Variants in SHROOM1 observed in about 807,000 individuals in gnomAD.
The protein encoded by SHROOM1 is shroom family member 1.
A neutral mutation model predicts 64.2 loss-of-function variants in SHROOM1; 53 were observed. The observed-to-expected ratio is 0.83, with a 90% CI of 0.66 to 1.04. The LOEUF (loss-of-function observed/expected upper bound fraction) is 1.04, where lower values mean the gene tolerates loss of function less well. Ranked by LOEUF, SHROOM1 falls within the 50% of genes least tolerant of loss-of-function variation. The pLI, the probability that SHROOM1 is intolerant of heterozygous loss-of-function variation, is 0.00. For missense variants in SHROOM1, 1,179 were observed against 1,163.2 expected (o/e 1.01, Z -0.20); for synonymous variants, 490 against 518.9 (o/e 0.94, Z 0.76).
In SHROOM1 at chr5:132,824,094, C is replaced by A. The variant is rs772132252; in HGVS notation, c.1567G>T (p.Ala523Ser). Residue 523 changes from alanine to serine, a missense_variant, in exon 7 of 10, where the codon GCC (alanine) becomes TCC (serine). Coordinates refer to ENST00000378679, the MANE Select transcript of SHROOM1 (RefSeq NM_001172700.2). ...NDTPGPSHNT[A>S]LARGTGQPGS... is the part of the protein sequence containing the mutation. ...GGCTGGCCAGTGCCCCTGGCTAGGG[C>A]AGTATTGTGAGAGGGACCTGGAGTA... 25 of 1,613,752 alleles carry A rather than the reference C, an allele frequency of 1.5e-5. No homozygotes were observed. The highest frequency in any genetic ancestry group is 2.1e-5 in the Non-Finnish European group (25 of 1,179,918).
chr5:132,830,259 G>T lies in SHROOM1; in HGVS notation c.-501+335C>A. 1 of 985,334 alleles carries T rather than the reference G, an allele frequency of 1.0e-6. No homozygotes were observed. The highest frequency in any genetic ancestry group is 1.2e-6 in the Non-Finnish European group (1 of 829,872). The allele number at this position is 985,334 out of a possible 1,614,324, so 61.0% of individuals were successfully genotyped here. A position where few individuals can be genotyped will look rare whatever the true frequency, so the allele number is the denominator to read the frequency against. On this transcript the variant is annotated intron_variant, in intron 1 of 9. Coordinates refer to ENST00000378679, the MANE Select transcript of SHROOM1 (RefSeq NM_001172700.2). This position sits in a 1 kb window ranked among gnomAD's most constrained non-coding sequence, Gnocchi z 5.9. ...TTCTCCAGATGCTTGGCGACAAAGG[G>T]CAGGAGCGGAGGGTGGCGGAGTGAG...
chr5:132,825,785 G>T lies in SHROOM1; in HGVS notation c.356C>A (p.Ala119Glu). The part of the protein sequence containing the change: ...RQATPLLYAL[A>E]AEAEAAAQAA... ...CTGCGCCGCGGCCTCCGCCTCGGCC[G>T]CCAGCGCGTACAGCAGCGGGGTGGC... Residue 119 changes from alanine (A) to glutamate (E), a missense_variant, in exon 4 of 10, where the codon GCG becomes GAG. Physicochemically the swap from Ala to Glu is moderately radical, Grantham distance 107. Coordinates refer to ENST00000378679, the MANE Select transcript of SHROOM1 (RefSeq NM_001172700.2). This position sits in a 1 kb window ranked among gnomAD's most constrained non-coding sequence, Gnocchi z 5.1. 8.0e-7 allele frequency: 1 copy of T among 1,243,892 alleles called. No individual in the cohort carries two copies. The highest frequency in any genetic ancestry group is 1.0e-6 in the Non-Finnish European group (1 of 996,986). The allele number at this position is 1,243,892 out of a possible 1,614,324, so 77.1% of individuals were successfully genotyped here.
In SHROOM1 at chr5:132,824,839, A is replaced by T; in HGVS notation, c.1035-18T>A. 1 of 1,613,538 alleles carries T rather than the reference A, an allele frequency of 6.2e-7. No individual in the cohort carries two copies. The highest frequency in any genetic ancestry group is 8.5e-7 in the Non-Finnish European group (1 of 1,179,574). The stretch of plus-strand genomic sequence containing the variant: ...GCAAGAACCTGGAGGCAGGGACCCC[A>T]TAGTGACCACAGTGAAAGGAAGGAA... On this transcript the variant is annotated intron_variant, in intron 5 of 9. Coordinates refer to ENST00000378679, the MANE Select transcript of SHROOM1 (RefSeq NM_001172700.2).
In SHROOM1 at chr5:132,824,182, T is replaced by TG; in HGVS notation, c.1478dup (p.Ala494SerfsTer5). The TG allele has an allele frequency of 1.2e-6, 2 of 1,614,216 alleles. No homozygotes were observed. Among genetic ancestry groups the TG allele is most frequent in the Non-Finnish European group, 1.7e-6 (2 of 1,180,034 alleles). ...GTTTGAGGAGGTCACTCTCTGCAGC[T>TG]GTGGGGGGATTGGTGGTCAGTCCAG... On this transcript the variant is annotated frameshift_variant, in exon 7 of 10. Transcript: ENST00000378679. LOFTEE classifies it high-confidence loss of function.
intron 6 of SHROOM1, 80 bp downstream of exon 6, chr5:132,824,535 A>G (rs772405868): frequency 2.6e-6 from 4 of 1,528,300 alleles, no homozygotes; most frequent in Middle Eastern, 4.1e-4. Flanking sequence ...CAGCTAGGAG[A>G]GCATTCCCAC....
chr5:132,824,498 A>T lies in SHROOM1; in HGVS notation c.1242-79T>A, dbSNP rs1011162150. ...TGGCCTCCAAGGGCCATCTGTCCCT[A>T]CCCCCATCACCTGGAATCCCAGGCT... On this transcript the variant is annotated intron_variant, in intron 6 of 9. Coordinates refer to ENST00000378679, the MANE Select transcript of SHROOM1 (RefSeq NM_001172700.2). 43 of 1,518,852 alleles carry T rather than the reference A, an allele frequency of 2.8e-5. No homozygotes were observed. In the South Asian group the frequency reaches 5.0e-4, roughly 18 times the overall value. The allele number at this position is 1,518,852 out of a possible 1,614,324, so 94.1% of individuals were successfully genotyped here. A position where few individuals can be genotyped will look rare whatever the true frequency, so the allele number is the denominator to read the frequency against.
Position 132,826,419 on chromosome 5 carries a change from G to A in SHROOM1, c.-185C>T, listed in dbSNP as rs929669794. 1 of 518,884 alleles carries A rather than the reference G, an allele frequency of 1.9e-6. No homozygotes were observed. Among genetic ancestry groups the A allele is most frequent in the African/African-American group, 2.0e-5 (1 of 50,942 alleles). The allele number at this position is 518,884 out of a possible 1,614,324, so 32.1% of individuals were successfully genotyped here. A position where few individuals can be genotyped will look rare whatever the true frequency, so the allele number is the denominator to read the frequency against. On this transcript the variant is annotated 5_prime_UTR_variant, in exon 3 of 10. Transcript: ENST00000378679. ...GGTTGAGGGCCCAGCTCAGGGGAAG[G>A]AATTGGGACCAGCTCATTCCCTGCC...
In SHROOM1 at chr5:132,830,123, G is replaced by C. The variant is rs576223464; in HGVS notation, c.-501+471C>G. 2.5e-5 allele frequency: 25 copies of C among 985,234 alleles called. No homozygotes were observed. The highest frequency in any genetic ancestry group is 1.4e-4 in the South Asian group (3 of 21,288). The allele number at this position is 985,234 out of a possible 1,614,324, so 61.0% of individuals were successfully genotyped here. A position where few individuals can be genotyped will look rare whatever the true frequency, so the allele number is the denominator to read the frequency against. ...GCGGCAGAGACACGCGGAGCGGCTCGACAGCAGATGGCCGCAGCCCCGCGC... is the reference window on the plus strand; with the variant it reads ...GCGGCAGAGACACGCGGAGCGGCTCCACAGCAGATGGCCGCAGCCCCGCGC... On this transcript the variant is annotated intron_variant, in intron 1 of 9. Coordinates refer to ENST00000378679, the MANE Select transcript of SHROOM1 (RefSeq NM_001172700.2). The surrounding 1 kb of genome is among the most constrained non-coding windows in gnomAD (Gnocchi z 5.9).
At chr5:132,829,227 G>A (rs1758784201) in intron 1 of SHROOM1, among the ~76,000 whole-genome samples, 1 of 152,234 alleles carries the variant, frequency 6.6e-6, no homozygotes, top group Non-Finnish European at 1.5e-5. Context: ...CCTGAATGAA[G>A]GAGCCAGAGA....
In SHROOM1 at chr5:132,825,643, G is replaced by A; in HGVS notation, c.498C>T (p.Ser166=). The A allele has an allele frequency of 1.5e-6, 2 of 1,346,172 alleles. No individual in the cohort carries two copies. Among genetic ancestry groups the A allele is most frequent in the Non-Finnish European group, 9.5e-7 (1 of 1,056,070 alleles). 83.4% of individuals were successfully genotyped at this position (1,346,172 alleles called of 1,614,324 possible). Residue 166 remains serine (S), a synonymous_variant, in exon 4 of 10, where the codon AGC becomes AGT. Transcript: ENST00000378679. This position sits in a 1 kb window ranked among gnomAD's most constrained non-coding sequence, Gnocchi z 5.1. ...TSFQRKELRM[S]LPARLRPTVP... Reference sequence around the variant, plus strand: ...CAGTGGGCCGCAGACGGGCGGGCAGGCTCATGCGGAGCTCCTTGCGCTGGA... The same window carrying A: ...CAGTGGGCCGCAGACGGGCGGGCAGACTCATGCGGAGCTCCTTGCGCTGGA...
chr5:132,824,489 T>A (rs1307584024), intron 6 of SHROOM1, 70 bp from the exon 7 acceptor site: 43 of 1,514,618 alleles, frequency 2.8e-5, no homozygotes, highest in Non-Finnish European at 3.7e-5. Flanking sequence ...CCAAGGGCCA[T>A]CTGTCCCTAC....
In SHROOM1 at chr5:132,825,753, C is replaced by A; in HGVS notation, c.388G>T (p.Glu130Ter). Residue 130 changes from glutamate (E) to a stop codon, truncating the protein, a stop_gained, in exon 4 of 10, where the codon GAG becomes TAG. Transcript: ENST00000378679. LOFTEE classifies it high-confidence loss of function. This position sits in a 1 kb window ranked among gnomAD's most constrained non-coding sequence, Gnocchi z 5.1. ...CTCGAGGCCGGCGGGCTGGGCGGCT[C>A]GGCAGCCTGCGCCGCGGCCTCCGCC... The part of the protein sequence containing the change: ...AEAEAAAQAA[E>*]PPSPPASRAA... The A allele has an allele frequency of 8.0e-7, 1 of 1,248,576 alleles. No individual in the cohort carries two copies. 77.3% of individuals were successfully genotyped at this position (1,248,576 alleles called of 1,614,324 possible). A position where few individuals can be genotyped will look rare whatever the true frequency, so the allele number is the denominator to read the frequency against.
rs929669794 is a variant in SHROOM1, at chr5:132,826,419, G to T, written c.-185C>A. 1.9e-5 allele frequency: 10 copies of T among 518,764 alleles called. No homozygotes were observed. Among genetic ancestry groups the T allele is most frequent in the Non-Finnish European group, 2.6e-5 (9 of 343,028 alleles). The allele number at this position is 518,764 out of a possible 1,614,324, so 32.1% of individuals were successfully genotyped here. A position where few individuals can be genotyped will look rare whatever the true frequency, so the allele number is the denominator to read the frequency against. ...GGTTGAGGGCCCAGCTCAGGGGAAG[G>T]AATTGGGACCAGCTCATTCCCTGCC... is the stretch of plus-strand genomic sequence containing the variant. On this transcript the variant is annotated 5_prime_UTR_variant, in exon 3 of 10. Transcript: ENST00000378679.
At position 132,822,840 on chromosome 5, in the gene SHROOM1, T is replaced by C; in HGVS notation, c.2515A>G (p.Thr839Ala). Residue 839 changes from threonine to alanine, a missense_variant, in exon 10 of 10, where the codon ACC becomes GCC. Physicochemically the swap from Thr to Ala is moderately conservative, Grantham distance 58. Transcript: ENST00000378679. ...AAGGGCGGCTGAACTGGAGGACAGG[T>C]CCCTGGGGGCCGCGCCGGGCTGGGA... ...PSPSPARPPGTCPPVQPPFPL... is the reference protein window; with the variant it reads ...PSPSPARPPGACPPVQPPFPL... 1 of 1,612,568 alleles carries C rather than the reference T, an allele frequency of 6.2e-7. No homozygotes were observed. The highest frequency in any genetic ancestry group is 1.1e-5 in the South Asian group (1 of 90,908).
At chr5:132,829,974 A>G in intron 1 of SHROOM1, 1 of 985,460 alleles carries the variant, frequency 1.0e-6, no homozygotes, top group Non-Finnish European at 1.2e-6. Context: ...CAGGAAATGC[A>G]GGAAGCTGGC....
Position 132,823,031 on chromosome 5 carries a change from TC to T in SHROOM1, c.2323del (p.Glu775ArgfsTer102). ...HVARRERAVR[E>X]VLVRALPVEE... ...CACCGGTAGTGCTCGCACCAGCACCTCCCGCACGGCCCGCTCGCGCCGCGCT... is the reference window on the plus strand; with the variant it reads ...CACCGGTAGTGCTCGCACCAGCACCTCCGCACGGCCCGCTCGCGCCGCGCT... On this transcript the variant is annotated frameshift_variant, in exon 10 of 10. Coordinates refer to ENST00000378679, the MANE Select transcript of SHROOM1 (RefSeq NM_001172700.2). LOFTEE classifies it high-confidence loss of function. The surrounding 1 kb of genome is among the most constrained non-coding windows in gnomAD (Gnocchi z 4.6). 1.2e-6 allele frequency: 2 copies of T among 1,600,578 alleles called. No individual in the cohort carries two copies. The highest frequency in any genetic ancestry group is 1.7e-6 in the Non-Finnish European group (2 of 1,179,142).
At chr5:132,828,040 C>T (rs940087690) in intron 1 of SHROOM1, among the ~76,000 whole-genome samples, 2 of 152,036 alleles carry the variant, frequency 1.3e-5, no homozygotes, top group Admixed American at 1.3e-4. Context: ...GACTTTTGGG[C>T]GCTGGCCTCC....
Position 132,822,349 on chromosome 5 carries a change from ATCT to A in SHROOM1, c.*444_*446del, listed in dbSNP as rs1758468794. ...CCACATGAGAACACTTTGGAGAAGT[ATCT>A]TTTTTTTTTTTTTTTTTTTTTTTTT... is the stretch of plus-strand genomic sequence containing the variant. On this transcript the variant is annotated 3_prime_UTR_variant, in exon 10 of 10. Coordinates refer to ENST00000378679, the MANE Select transcript of SHROOM1 (RefSeq NM_001172700.2). 2.3e-5 allele frequency: 2 copies of A among 86,320 alleles called. No homozygotes were observed. The highest frequency in any genetic ancestry group is 5.1e-4 in the South Asian group (1 of 1,976). The allele number at this position is 86,320 out of a possible 1,614,324, so 5.3% of individuals were successfully genotyped here.
Position 132,824,566 on chromosome 5 carries a change from G to A in SHROOM1, c.1241+49C>T, listed in dbSNP as rs1288906151. 1.9e-6 allele frequency: 3 copies of A among 1,565,422 alleles called. No homozygotes were observed. The African/African-American group carries it at 4.1e-5, about 21-fold the overall frequency. On this transcript the variant is annotated intron_variant, in intron 6 of 9. Coordinates refer to ENST00000378679, the MANE Select transcript of SHROOM1 (RefSeq NM_001172700.2). Reference sequence around the variant, plus strand: ...CCCACCCCTCTAGCGTTTTGTAGATGTGTGTGTCAGGGGGTGCCTCACGAT... The same window carrying A: ...CCCACCCCTCTAGCGTTTTGTAGATATGTGTGTCAGGGGGTGCCTCACGAT...
Sources: allele counts gnomAD v4.1 joint callset (sites outside exome capture counted in the v4.1 genomes callset), GRCh38; gene constraint gnomAD v4.1.1; non-coding constraint Gnocchi (gnomAD v3.1); transcripts MANE v1.5; gene names NCBI Gene and HGNC (gene_info 2026-07-23, HGNC 2026-07-21).